The following CADPS2 variants were observed in gnomAD, a reference collection of about 807,000 sequenced individuals.
CADPS2 encodes calcium-dependent secretion activator 2.
Under a neutral mutation model 172.5 loss-of-function variants are expected in CADPS2, and 93 were observed. The ratio of observed to expected loss-of-function variants is 0.54; its 90% CI spans 0.46 to 0.64. The LOEUF is 0.64. CADPS2 is among the 30% of genes least tolerant of loss of function. The probability of loss-of-function intolerance (pLI) is 0.00; values close to 1 mark genes in which losing one functional copy is unlikely to be tolerated. For missense variants in CADPS2, 1,420 were observed against 1,565.9 expected (o/e 0.91, Z 1.57); for synonymous variants, 546 against 555.2 (o/e 0.98, Z 0.23).
At chr7:122,733,122 T>C (rs950117990) in intron 2 of CADPS2, among the ~76,000 whole-genome samples, 3 of 151,416 alleles carry the variant, frequency 2.0e-5, no homozygotes, top group Non-Finnish European at 4.4e-5. Context: ...ACAGAATAAC[T>C]AGGTTAGAAA....
intron 1 of CADPS2, among the ~76,000 whole-genome samples, chr7:122,772,464 C>T (rs1390218611): frequency 6.6e-6 from 1 of 152,174 alleles, no homozygotes; most frequent in African/African-American, 2.4e-5. Context: ...TTAGATACTA[C>T]ATTCCATCAG....
At chr7:122,859,331 T>C (rs1292386691) in intron 1 of CADPS2, among the ~76,000 whole-genome samples, 1 of 152,212 alleles carries the variant, frequency 6.6e-6, no homozygotes, top group Non-Finnish European at 1.5e-5. Context: ...AATTTTTTAT[T>C]CCTGTCTTAA....
intron 1 of CADPS2, among the ~76,000 whole-genome samples, chr7:122,780,905 T>C (rs954341959): frequency 6.6e-6 from 1 of 152,172 alleles, no homozygotes; most frequent in African/African-American, 2.4e-5. Context: ...AAAATCACTC[T>C]TACACATGTA....
intron 2 of CADPS2, among the ~76,000 whole-genome samples, chr7:122,681,102 G>A (rs965279637): frequency 1.4e-5 from 2 of 141,356 alleles, no homozygotes; most frequent in African/African-American, 5.3e-5. Context: ...ACACAGGAAG[G>A]GGAACATCAC....
chr7:122,827,314 C>G (rs192423108), intron 1 of CADPS2, among the ~76,000 whole-genome samples: 1 of 152,186 alleles, frequency 6.6e-6, no homozygotes, highest in African/African-American at 2.4e-5. Flanking sequence ...AAAAGAAAAT[C>G]TCCAGCCCTA....
intron 28 of CADPS2, among the ~76,000 whole-genome samples, chr7:122,336,394 A>T (rs895851325): frequency 2.0e-5 from 3 of 152,172 alleles, no homozygotes; most frequent in African/African-American, 7.2e-5. Flanking sequence ...TTCTATGAAA[A>T]CATTGCAGTG....
intron 2 of CADPS2, chr7:122,698,110 C>T (rs747353982): frequency 3.4e-5 from 55 of 1,613,792 alleles, no homozygotes; most frequent in Non-Finnish European, 4.4e-5. Flanking sequence ...AGTCAGAATA[C>T]GAACTATGTC....
chr7:122,630,367 T>TATGAAGAGTCAAA, intron 3 of CADPS2, among the ~76,000 whole-genome samples: 1 of 148,542 alleles, frequency 6.7e-6, no homozygotes, highest in East Asian at 2.0e-4. Context: ...AGGCAATTTA[T>TATGAAGAGTCAAA]ATGAAGAGTC....
chr7:122,519,678 T>TA (rs200287126), intron 8 of CADPS2, among the ~76,000 whole-genome samples: 92 of 149,916 alleles, frequency 6.1e-4, no homozygotes, highest in African/African-American at 1.0e-3. Flanking sequence ...ATCTATGACT[T>TA]AAAAAAAAAA....
chr7:122,459,816 C>CACAA (rs1310635522), intron 14 of CADPS2, among the ~76,000 whole-genome samples: 1 of 152,150 alleles, frequency 6.6e-6, no homozygotes, highest in African/African-American at 2.4e-5. Flanking sequence ...GGTCATGGGA[C>CACAA]ACAATGTAAG....
intron 14 of CADPS2, among the ~76,000 whole-genome samples, chr7:122,468,564 T>C (rs1482190772): frequency 1.3e-5 from 2 of 152,228 alleles, no homozygotes; most frequent in Admixed American, 1.3e-4. Context: ...AAGAAAAATA[T>C]ATTAGAATAG....
intron 3 of CADPS2, among the ~76,000 whole-genome samples, chr7:122,637,208 T>TTTTTTTTTCTCTC (rs778963218): frequency 6.4e-5 from 4 of 62,694 alleles, no homozygotes; most frequent in Admixed American, 2.6e-4. Context: ...TTTTTTTTTT[T>TTTTTTTTTCTCTC]CCTGAGACAG....
chr7:122,839,872 C>T (rs535836241), intron 1 of CADPS2, among the ~76,000 whole-genome samples: 2,360 of 152,256 alleles, frequency 0.016, 58 homozygotes, highest in African/African-American at 0.054. Flanking sequence ...GACAGTGTGG[C>T]AATTCCTCAA....
At chr7:122,355,242 T>C (rs2039229318) in intron 27 of CADPS2, among the ~76,000 whole-genome samples, 1 of 152,154 alleles carries the variant, frequency 6.6e-6, no homozygotes, top group African/African-American at 2.4e-5. Context: ...GCCACTTAAC[T>C]TCAGTTGTAA....
At chr7:122,664,961 ATTT>A (rs3034542) in intron 2 of CADPS2, among the ~76,000 whole-genome samples, 61,658 of 135,426 alleles carry the variant, frequency 0.46, 13,932 homozygotes, top group East Asian at 0.66. Flanking sequence ...TAGTTTTTGT[ATTT>A]TTTTTTTTTT....
intron 2 of CADPS2, among the ~76,000 whole-genome samples, chr7:122,733,915 G>A (rs997174776): frequency 6.6e-5 from 10 of 151,910 alleles, no homozygotes; most frequent in South Asian, 2.1e-4. Context: ...CACTCTAGTC[G>A]GGGTGACTGA....
At chr7:122,843,166 C>G (rs1055378993) in intron 1 of CADPS2, among the ~76,000 whole-genome samples, 32 of 152,042 alleles carry the variant, frequency 2.1e-4, no homozygotes, top group African/African-American at 7.7e-4. Flanking sequence ...TCTGTGAATA[C>G]CAGATAACTC....
intron 25 of CADPS2, among the ~76,000 whole-genome samples, chr7:122,375,045 G>C (rs1257743418): frequency 6.6e-6 from 1 of 151,974 alleles, no homozygotes; most frequent in African/African-American, 2.4e-5. Context: ...AGACATTAAA[G>C]CAGACAACAA....
chr7:122,713,728 C>G lies in CADPS2; in HGVS notation c.453+23227G>C, dbSNP rs1246091880. Among the ~76,000 whole-genome samples, 4 of 152,094 alleles carry G rather than the reference C, an allele frequency of 2.6e-5. No individual in the cohort carries two copies. In the East Asian group the frequency reaches 7.7e-4, roughly 29 times the overall value. On this transcript the variant is annotated intron_variant, in intron 2 of 29. Coordinates refer to ENST00000449022, the MANE Select transcript of CADPS2 (RefSeq NM_017954.11). ...CACAAATACCTAGTAACACCTCCAG[C>G]TAAGCAGCTAGTATTTGAATGCACA...
Sources: allele counts gnomAD v4.1 joint callset (sites outside exome capture counted in the v4.1 genomes callset), GRCh38; gene constraint gnomAD v4.1.1; transcripts MANE v1.5; gene names NCBI Gene and HGNC (gene_info 2026-07-23, HGNC 2026-07-21).